Variants in STK10 observed in about 807,000 individuals in gnomAD.
STK10 encodes serine/threonine kinase 10.
In STK10, 78 loss-of-function variants were observed where a neutral mutation model predicts 113.8. The observed-to-expected ratio is 0.69, with a 90% CI of 0.57 to 0.83. The LOEUF is 0.83. Ranked by LOEUF, STK10 falls within the 40% of genes least tolerant of loss-of-function variation. STK10 has a pLI of 0.00. For synonymous variants in STK10, 465 were observed against 494.7 expected, an observed-to-expected ratio of 0.94 and a Z score of 0.80; for missense variants, 1,109 against 1,280.1, an observed-to-expected ratio of 0.87 and a Z score of 2.04.
intron 12 of STK10, among the ~76,000 whole-genome samples, chr5:172,079,233 T>TAGGAA (rs1768377477): frequency 6.6e-6 from 1 of 152,212 alleles, no homozygotes; most frequent in Non-Finnish European, 1.5e-5. Flanking sequence ...AAGCTCCTGC[T>TAGGAA]ACATGGATGG....
chr5:172,109,498 T>C (rs1769186967), intron 4 of STK10, among the ~76,000 whole-genome samples: 2 of 151,890 alleles, frequency 1.3e-5, no homozygotes, highest in African/African-American at 4.8e-5. Context: ...TTTGTAGAGA[T>C]GGAGTCTCTA....
At chr5:172,106,840 G>A (rs764886774) in intron 5 of STK10, 26 bp from the exon 6 acceptor site, 3 of 1,600,982 alleles carry the variant, frequency 1.9e-6, no homozygotes, top group Non-Finnish European at 2.6e-6. Context: ...GACAACATAG[G>A]GCTAAGAATC....
intron 1 of STK10, among the ~76,000 whole-genome samples, chr5:172,186,250 T>C (rs1240856216): frequency 6.6e-6 from 1 of 150,908 alleles, no homozygotes; most frequent in African/African-American, 2.4e-5. Flanking sequence ...CACTCCAGCT[T>C]GGGCAATAGA....
intron 12 of STK10, among the ~76,000 whole-genome samples, chr5:172,069,012 G>A (rs1768127275): frequency 6.6e-6 from 1 of 151,974 alleles, no homozygotes; most frequent in Non-Finnish European, 1.5e-5. Flanking sequence ...TAGATGCTGA[G>A]ATAGGTATGT....
intron 12 of STK10, among the ~76,000 whole-genome samples, chr5:172,073,967 AT>A (rs1768255574): frequency 6.0e-5 from 9 of 149,176 alleles, no homozygotes; most frequent in African/African-American, 2.0e-4. Flanking sequence ...TCTGTCTCAA[AT>A]AATAATAATA....
chr5:172,074,729 A>T (rs894620444), intron 12 of STK10, among the ~76,000 whole-genome samples: 4 of 152,188 alleles, frequency 2.6e-5, no homozygotes, highest in Non-Finnish European at 5.9e-5. Context: ...ACTAATTAAA[A>T]AATTAGCAGC....
At chr5:172,169,900 G>C (rs6892515) in intron 1 of STK10, among the ~76,000 whole-genome samples, 6 of 151,968 alleles carry the variant, frequency 3.9e-5, no homozygotes, top group Non-Finnish European at 5.9e-5. Flanking sequence ...GTGTGCTTGC[G>C]GAAGCCAGGA....
rs750317975 is a variant in STK10 at position 172,044,873 on chromosome 5, G to C, written c.*9C>G. ...CCACCAAGCTGCCAGCCACAGCCCC[G>C]GGCGGTTGTTAAGAAGCATCCGCAG... On this transcript the variant is annotated 3_prime_UTR_variant, in exon 19 of 19. Coordinates refer to ENST00000176763, the MANE Select transcript of STK10 (RefSeq NM_005990.4). The surrounding 1 kb of genome is among the most constrained non-coding windows in gnomAD (Gnocchi z 4.5). 3 of 1,614,158 alleles carry C rather than the reference G, an allele frequency of 1.9e-6. No individual in the cohort carries two copies. The highest frequency in any genetic ancestry group is 2.5e-6 in the Non-Finnish European group (3 of 1,180,038).
At chr5:172,090,206 C>G in intron 10 of STK10, 26 bp downstream of exon 10, 1 of 1,612,824 alleles carries the variant, frequency 6.2e-7, no homozygotes, top group Non-Finnish European at 8.5e-7. Context: ...CCTGTTACCA[C>G]CATTGGTGGC....
chr5:172,086,534 G>A (rs990847800), intron 10 of STK10, among the ~76,000 whole-genome samples: 9 of 152,204 alleles, frequency 5.9e-5, no homozygotes, highest in Admixed American at 2.6e-4. Flanking sequence ...GCGAGGGAAC[G>A]GCAGAAGCCG....
Position 172,133,974 on chromosome 5 carries a change from T to TC in STK10, c.322-6554dup, listed in dbSNP as rs1354036641. Reference sequence around the variant, plus strand: ...GTTAAAACAGATCACTGGGTCCCACTCCAGAGCTTCTGATTCAGTGGGTCT... The same window carrying TC: ...GTTAAAACAGATCACTGGGTCCCACTCCCAGAGCTTCTGATTCAGTGGGTCT... On this transcript the variant is annotated intron_variant, in intron 2 of 18. Coordinates refer to ENST00000176763, the MANE Select transcript of STK10 (RefSeq NM_005990.4). This position sits in a 1 kb window ranked among gnomAD's most constrained non-coding sequence, Gnocchi z 4.9. Among the ~76,000 whole-genome samples the TC allele has an allele frequency of 6.6e-6, 1 of 152,156 alleles. No individual in the cohort carries two copies. Among genetic ancestry groups the TC allele is most frequent in the African/African-American group, 2.4e-5 (1 of 41,448 alleles).
At chr5:172,182,127 AC>A (rs1288973227) in intron 1 of STK10, among the ~76,000 whole-genome samples, 1 of 151,498 alleles carries the variant, frequency 6.6e-6, no homozygotes, top group Non-Finnish European at 1.5e-5. Flanking sequence ...GCATGGTAAA[AC>A]CCCGTCTCTA....
At chr5:172,112,772 G>A (rs745789068) in intron 4 of STK10, among the ~76,000 whole-genome samples, 1 of 149,984 alleles carries the variant, frequency 6.7e-6, no homozygotes, top group Non-Finnish European at 1.5e-5. Flanking sequence ...TTCAGATGGA[G>A]TTTCATTCTT....
intron 2 of STK10, among the ~76,000 whole-genome samples, chr5:172,135,785 T>C (rs954625657): frequency 2.5e-4 from 38 of 152,228 alleles, no homozygotes; most frequent in Admixed American, 2.3e-3. Context: ...ACGCCTATAA[T>C]CCCAGTGCTT....
intron 4 of STK10, among the ~76,000 whole-genome samples, chr5:172,116,107 G>A (rs942997741): frequency 6.6e-6 from 1 of 152,128 alleles, no homozygotes; most frequent in African/African-American, 2.4e-5. Flanking sequence ...GTGAAACAGG[G>A]TCTTACTCTG....
intron 1 of STK10, among the ~76,000 whole-genome samples, chr5:172,171,392 G>A (rs1332152944): frequency 6.6e-6 from 1 of 152,114 alleles, no homozygotes; most frequent in Non-Finnish European, 1.5e-5. Flanking sequence ...AGCATTTAAT[G>A]AGTTATACGT....
At chr5:172,111,317 G>A (rs1769231038) in intron 4 of STK10, among the ~76,000 whole-genome samples, 1 of 152,152 alleles carries the variant, frequency 6.6e-6, no homozygotes, top group Non-Finnish European at 1.5e-5. Context: ...GATCCCAAAA[G>A]GTGGCCACTC....
chr5:172,119,900 T>C (rs1769473004), intron 3 of STK10, among the ~76,000 whole-genome samples: 1 of 144,280 alleles, frequency 6.9e-6, no homozygotes, highest in African/African-American at 2.7e-5. Context: ...AAACAAATAA[T>C]TCCCTCTAGC....
At chr5:172,088,961 T>C (rs1464196129) in intron 10 of STK10, among the ~76,000 whole-genome samples, 2 of 152,160 alleles carry the variant, frequency 1.3e-5, no homozygotes, top group Non-Finnish European at 2.9e-5. Context: ...TTCCAGTCCT[T>C]TACCAACTCA....
Sources: allele counts gnomAD v4.1 joint callset (sites outside exome capture counted in the v4.1 genomes callset), GRCh38; gene constraint gnomAD v4.1.1; non-coding constraint Gnocchi (gnomAD v3.1); transcripts MANE v1.5; gene names NCBI Gene and HGNC (gene_info 2026-07-23, HGNC 2026-07-21).